The following HDHD3 variants were observed in gnomAD, a reference collection of about 807,000 sequenced individuals.
HDHD3 encodes the protein haloacid dehalogenase-like hydrolase domain-containing protein 3.
In HDHD3, 6 loss-of-function variants were observed where a neutral mutation model predicts 6.9. That is an observed-to-expected ratio of 0.87 (90% confidence interval 0.48 to 1.72). HDHD3 has a LOEUF of 1.72. Among genes scored for constraint, HDHD3 ranks in the 40% most tolerant of loss-of-function variants. The pLI is 0.01. For synonymous variants in HDHD3, 139 were observed against 140.7 expected (o/e 0.99, Z 0.08); for missense variants, 308 against 327.4 (o/e 0.94, Z 0.46).
At position 113,374,273 on chromosome 9, in the gene HDHD3, C is replaced by A; in HGVS notation, c.82G>T (p.Ala28Ser). ...TGGGCCCGGGCCTTGGTGGCATAGG[C>A]CTCCCCTAAGGGGTGGCGGAGCCTG... ...LLRLRHPLGE[A>S]YATKARAHGL... The change falls in exon 3 of 3, where the codon GCC becomes TCC. Residue 28 changes from alanine (A) to serine (S), a missense_variant. Coordinates refer to ENST00000374180, the MANE Select transcript of HDHD3 (RefSeq NM_001304509.2). 6.3e-7 allele frequency: 1 copy of A among 1,587,070 alleles called. No individual in the cohort carries two copies. Among genetic ancestry groups the A allele is most frequent in the Non-Finnish European group, 8.6e-7 (1 of 1,165,968 alleles).
rs767093854 is a variant in HDHD3, at chr9:113,373,553, A to C, written c.*46T>G. 1.3e-6 allele frequency: 2 copies of C among 1,507,292 alleles called. No homozygotes were observed. The highest frequency in any genetic ancestry group is 2.3e-5 in the Admixed American group (1 of 44,204). The allele number at this position is 1,507,292 out of a possible 1,614,324, so 93.4% of individuals were successfully genotyped here. Reference sequence around the variant, plus strand: ...GGCTCCCTGTCTCCAGGGTTTGTTTAAGGTTTTCTCCATGGCCTAGGGCCC... The same window carrying C: ...GGCTCCCTGTCTCCAGGGTTTGTTTCAGGTTTTCTCCATGGCCTAGGGCCC... On this transcript the variant is annotated 3_prime_UTR_variant, in exon 3 of 3. Coordinates refer to ENST00000374180, the MANE Select transcript of HDHD3 (RefSeq NM_001304509.2).
chr9:113,373,514 G>T lies in HDHD3; in HGVS notation c.*85C>A. 7.2e-7 allele frequency: 1 copy of T among 1,395,272 alleles called. No individual in the cohort carries two copies. The highest frequency in any genetic ancestry group is 9.6e-7 in the Non-Finnish European group (1 of 1,036,536). 86.4% of individuals were successfully genotyped at this position (1,395,272 alleles called of 1,614,324 possible). A position where few individuals can be genotyped will look rare whatever the true frequency, so the allele number is the denominator to read the frequency against. ...GGGAGAGGGGGAAAGGTCCAGAGCTGTGGAGAAAGAAGGGGCTCCCTGTCT... is the reference window on the plus strand; with the variant it reads ...GGGAGAGGGGGAAAGGTCCAGAGCTTTGGAGAAAGAAGGGGCTCCCTGTCT... On this transcript the variant is annotated 3_prime_UTR_variant, in exon 3 of 3. Transcript: ENST00000374180.
Position 113,373,727 on chromosome 9 carries a change from G to A in HDHD3, c.628C>T (p.Leu210=), listed in dbSNP as rs770782780. 34 of 1,613,952 alleles carry A rather than the reference G, an allele frequency of 2.1e-5. No homozygotes were observed. The highest frequency in any genetic ancestry group is 2.9e-5 in the Non-Finnish European group (34 of 1,179,982). The change falls in exon 3 of 3, where the codon CTG becomes TTG. Residue 210 remains leucine (L), a synonymous_variant. Coordinates refer to ENST00000374180, the MANE Select transcript of HDHD3 (RefSeq NM_001304509.2). Reference sequence around the variant, plus strand: ...TCCAGTGCCTGTGGGCCAACCACCAGGAAGCTGTGCATGCCCACAGCCCGA... The same window carrying A: ...TCCAGTGCCTGTGGGCCAACCACCAAGAAGCTGTGCATGCCCACAGCCCGA... ...GPRAVGMHSF[L]VVGPQALDPV... is the part of the protein sequence containing the mutation.
chr9:113,373,601 A>C lies in HDHD3; in HGVS notation c.754T>G (p.Ter252GlyextTer3). The change falls in exon 3 of 3, where the codon TGA becomes GGA. Residue 252 changes from the stop codon to glycine (G), a stop_lost. Transcript: ENST00000374180. The stretch of plus-strand genomic sequence containing the variant: ...CCCAGCCACTTCCCTCACTGGCCTC[A>C]AAGCCCTGGAGTTGAGCCCTCTAGG... ...DCLEGSTPGL[*>G] 1 of 1,558,530 alleles carries C rather than the reference A, an allele frequency of 6.4e-7. No individual in the cohort carries two copies. Among genetic ancestry groups the C allele is most frequent in the Non-Finnish European group, 8.7e-7 (1 of 1,151,616 alleles).
chr9:113,376,590 T>TTCCCCCCCCCCCCCCC (rs137860074), intron 1 of HDHD3, 139 bp downstream of exon 1: 9 of 134,282 alleles, frequency 6.7e-5, no homozygotes, highest in African/African-American at 1.2e-4. Context: ...CTCGTGATCC[T>TTCCCCCCCCCCCCCCC]CCCCCGCCCC....
chr9:113,375,251 C>T lies in HDHD3; in HGVS notation c.-176+202G>A, dbSNP rs751572674. 2.6e-4 allele frequency among the ~76,000 whole-genome samples: 39 copies of T among 152,310 alleles called. No individual in the cohort carries two copies. The Middle Eastern group carries it at 0.024, about 93-fold the overall frequency. On this transcript the variant is annotated intron_variant, in intron 2 of 2. Transcript: ENST00000374180. ...AGAAGCAGAGGTAGGTGAGTGCTCC[C>T]GTCAGTGGAAATAGCAAGTGCAAAG...
chr9:113,374,365 A>C lies in HDHD3; in HGVS notation c.-11T>G, dbSNP rs779303718. The C allele has an allele frequency of 6.6e-6, 10 of 1,507,598 alleles. No individual in the cohort carries two copies. Among genetic ancestry groups the C allele is most frequent in the Non-Finnish European group, 7.1e-6 (8 of 1,127,422 alleles). 93.4% of individuals were successfully genotyped at this position (1,507,598 alleles called of 1,614,324 possible). A position where few individuals can be genotyped will look rare whatever the true frequency, so the allele number is the denominator to read the frequency against. The stretch of plus-strand genomic sequence containing the variant: ...CAGCCGGTGTGCCATGGAGGAGGCC[A>C]AGTCCACCCCAGTTCTGCCTCAGGT... On this transcript the variant is annotated 5_prime_UTR_variant, in exon 3 of 3. Coordinates refer to ENST00000374180, the MANE Select transcript of HDHD3 (RefSeq NM_001304509.2).
chr9:113,376,596 G>GC (rs1588075936), intron 1 of HDHD3, 133 bp downstream of exon 1: 1 of 116,778 alleles, frequency 8.6e-6, no homozygotes, highest in Non-Finnish European at 1.7e-5. Flanking sequence ...ATCCTCCCCC[G>GC]CCCCACCCCG....
In HDHD3 at chr9:113,373,507, C is replaced by A; in HGVS notation, c.*92G>T. 7.3e-7 allele frequency: 1 copy of A among 1,371,238 alleles called. No homozygotes were observed. The highest frequency in any genetic ancestry group is 9.8e-7 in the Non-Finnish European group (1 of 1,015,676). 84.9% of individuals were successfully genotyped at this position (1,371,238 alleles called of 1,614,324 possible). On this transcript the variant is annotated 3_prime_UTR_variant, in exon 3 of 3. Coordinates refer to ENST00000374180, the MANE Select transcript of HDHD3 (RefSeq NM_001304509.2). ...GGCCGCAGGGAGAGGGGGAAAGGTC[C>A]AGAGCTGTGGAGAAAGAAGGGGCTC...
chr9:113,374,949 G>A (rs1023346406), intron 2 of HDHD3, among the ~76,000 whole-genome samples: 7 of 151,768 alleles, frequency 4.6e-5, no homozygotes, highest in African/African-American at 1.5e-4. Context: ...TTGCAGCCTC[G>A]ATCTCCCAGG....
In HDHD3 at chr9:113,374,070, G is replaced by A; in HGVS notation, c.285C>T (p.Ala95=). 1 of 1,612,110 alleles carries A rather than the reference G, an allele frequency of 6.2e-7. No individual in the cohort carries two copies. Residue 95 remains alanine, a synonymous_variant, in exon 3 of 3, where the codon GCC becomes GCT. Coordinates refer to ENST00000374180, the MANE Select transcript of HDHD3 (RefSeq NM_001304509.2). ...CTTTATAAAGCTGTTCAGCGATGGG[G>A]GCTACAGCCTGAGCATCCTGGACAC... The part of the protein sequence containing the change: ...LAGVQDAQAV[A]PIAEQLYKDF...
In HDHD3 at chr9:113,373,692, G is replaced by A; in HGVS notation, c.663C>T (p.Val221=). ...TGTGTTCTTTAGGTACAGAATCCCTGACCACGGGGTCCAGTGCCTGTGGGC... is the reference window on the plus strand; with the variant it reads ...TGTGTTCTTTAGGTACAGAATCCCTAACCACGGGGTCCAGTGCCTGTGGGC... ...VVGPQALDPV[V]RDSVPKEHIL... Residue 221 remains valine (V), a synonymous_variant, in exon 3 of 3, where the codon GTC becomes GTT. Coordinates refer to ENST00000374180, the MANE Select transcript of HDHD3 (RefSeq NM_001304509.2). The A allele has an allele frequency of 6.2e-7, 1 of 1,614,020 alleles. No homozygotes were observed. The highest frequency in any genetic ancestry group is 2.2e-5 in the East Asian group (1 of 44,872).
rs751400266 is a variant in HDHD3 at position 113,373,972 on chromosome 9, C to T, written c.383G>A (p.Gly128Asp). Residue 128 changes from glycine (G) to aspartate (D), a missense_variant, in exon 3 of 3, where the codon GGT (glycine) becomes GAT (aspartate). By Grantham distance (94) the Gly-to-Asp change is moderately conservative. Transcript: ENST00000374180. ...GTTGGAGATCACTGCCAGTCTCAGACCCCGTGTGCGGCACTCCCTCAGGGT... is the reference window on the plus strand; with the variant it reads ...GTTGGAGATCACTGCCAGTCTCAGATCCCGTGTGCGGCACTCCCTCAGGGT... Reference protein sequence around the residue: ...EDTLRECRTRGLRLAVISNFD... With the variant: ...EDTLRECRTRDLRLAVISNFD... 6 of 1,614,254 alleles carry T rather than the reference C, an allele frequency of 3.7e-6. No individual in the cohort carries two copies. The South Asian group carries it at 6.6e-5, about 18-fold the overall frequency.
chr9:113,374,067 G>A lies in HDHD3; in HGVS notation c.288C>T (p.Pro96=). ...AGTCTTTATAAAGCTGTTCAGCGAT[G>A]GGGGCTACAGCCTGAGCATCCTGGA... ...AGVQDAQAVA[P]IAEQLYKDFS... Residue 96 remains proline (P), a synonymous_variant, in exon 3 of 3, where the codon CCC becomes CCT. Coordinates refer to ENST00000374180, the MANE Select transcript of HDHD3 (RefSeq NM_001304509.2). 1.2e-6 allele frequency: 2 copies of A among 1,613,044 alleles called. No homozygotes were observed. The highest frequency in any genetic ancestry group is 1.1e-5 in the South Asian group (1 of 91,050).
intron 1 of HDHD3, among the ~76,000 whole-genome samples, chr9:113,376,359 T>C (rs1834462473): frequency 7.3e-6 from 1 of 137,164 alleles, no homozygotes; most frequent in South Asian, 2.3e-4. Context: ...TTTTTCTTTT[T>C]TTTTTTTTTT....
In HDHD3 at chr9:113,373,775, A is replaced by G; in HGVS notation, c.580T>C (p.Tyr194His). 6.2e-7 allele frequency: 1 copy of G among 1,612,578 alleles called. No individual in the cohort carries two copies. Among genetic ancestry groups the G allele is most frequent in the Non-Finnish European group, 8.5e-7 (1 of 1,178,888 alleles). The change falls in exon 3 of 3, where the codon TAC becomes CAC. Residue 194 changes from tyrosine to histidine, a missense_variant. Coordinates refer to ENST00000374180, the MANE Select transcript of HDHD3 (RefSeq NM_001304509.2). Reference sequence around the variant, plus strand: ...CGAGGCCCCTGGTAATCGCAGAGGTAATTATCCCCAACATGGGCTGCCACT... The same window carrying G: ...CGAGGCCCCTGGTAATCGCAGAGGTGATTATCCCCAACATGGGCTGCCACT... Reference protein sequence around the residue: ...PVVAAHVGDNYLCDYQGPRAV... With the variant: ...PVVAAHVGDNHLCDYQGPRAV...
chr9:113,374,542 A>C lies in HDHD3; in HGVS notation c.-175-13T>G. ...ACAGCACAAGATCCTAGAATGAAAA[A>C]TAGCAGGTAAGGTGGAAGCTCAGGC... On this transcript the variant is annotated splice_polypyrimidine_tract_variant and intron_variant, in intron 2 of 2. Transcript: ENST00000374180. The C allele has an allele frequency of 2.2e-6, 1 of 462,770 alleles. No homozygotes were observed. The highest frequency in any genetic ancestry group is 3.7e-6 in the Non-Finnish European group (1 of 271,794). 28.7% of individuals were successfully genotyped at this position (462,770 alleles called of 1,614,324 possible).
At position 113,373,507 on chromosome 9, in the gene HDHD3, C is replaced by G; in HGVS notation, c.*92G>C. On this transcript the variant is annotated 3_prime_UTR_variant, in exon 3 of 3. Transcript: ENST00000374180. ...GGCCGCAGGGAGAGGGGGAAAGGTC[C>G]AGAGCTGTGGAGAAAGAAGGGGCTC... 1 of 1,371,238 alleles carries G rather than the reference C, an allele frequency of 7.3e-7. No individual in the cohort carries two copies. Among genetic ancestry groups the G allele is most frequent in the Non-Finnish European group, 9.8e-7 (1 of 1,015,676 alleles). The allele number at this position is 1,371,238 out of a possible 1,614,324, so 84.9% of individuals were successfully genotyped here.
At chr9:113,376,159 C>G (rs1473456797) in intron 1 of HDHD3, 2 of 147,680 alleles carry the variant, frequency 1.4e-5, no homozygotes, top group African/African-American at 5.1e-5. Context: ...CAGGTTCAAG[C>G]GATTCTCCTG....
Sources: gnomAD v4.1 joint callset for allele counts (sites outside exome capture counted in the v4.1 genomes callset) on GRCh38, gnomAD v4.1.1 for gene constraint, MANE v1.5 for transcripts, NCBI Gene and HGNC (gene_info 2026-07-23, HGNC 2026-07-21) for gene names.